The following RAD54L2 variants were observed in gnomAD, a reference collection of about 807,000 sequenced individuals.
RAD54L2 encodes the protein RAD54 like 2.
A neutral mutation model predicts 138.4 loss-of-function variants in RAD54L2; 27 were observed. The ratio of observed to expected loss-of-function variants is 0.20; its 90% CI spans 0.14 to 0.27. The LOEUF (loss-of-function observed/expected upper bound fraction) is 0.27, where lower values mean the gene tolerates loss of function less well. Among genes scored for constraint, RAD54L2 ranks in the 10% least tolerant of loss-of-function variants. The pLI, the probability that RAD54L2 is intolerant of heterozygous loss-of-function variation, is 1.00. For missense variants in RAD54L2, 1,396 were observed against 1,890.2 expected, an observed-to-expected ratio of 0.74 and a Z score of 4.85; for synonymous variants, 644 against 723.2, an observed-to-expected ratio of 0.89 and a Z score of 1.76.
chr3:51,642,974 A>G (rs4616633), intron 15 of RAD54L2, among the ~76,000 whole-genome samples: 148,688 of 151,738 alleles, frequency 0.98, 72,864 homozygotes, highest in East Asian at 1. Context: ...CCTTAGCTTT[A>G]CCATTTACTC....
intron 9 of RAD54L2, among the ~76,000 whole-genome samples, chr3:51,635,143 C>T (rs569979082): frequency 6.6e-6 from 1 of 152,182 alleles, no homozygotes; most frequent in African/African-American, 2.4e-5. Flanking sequence ...CTGGTCTCTT[C>T]TCCTCTTTCC....
chr3:51,656,289 G>T, intron 20 of RAD54L2, 119 bp downstream of exon 20: 1 of 950,404 alleles, frequency 1.1e-6, no homozygotes, highest in Admixed American at 3.1e-5. Flanking sequence ...TGGCACTCTT[G>T]GTAAAAAATA....
intron 3 of RAD54L2, among the ~76,000 whole-genome samples, chr3:51,615,366 A>G (rs935792068): frequency 8.5e-5 from 13 of 152,222 alleles, no homozygotes; most frequent in Admixed American, 2.0e-4. Flanking sequence ...TTTGTATAAC[A>G]TGAAGAGTTA....
intron 21 of RAD54L2, among the ~76,000 whole-genome samples, chr3:51,659,109 T>TG (rs1701688094): frequency 1.4e-5 from 2 of 141,850 alleles, no homozygotes; most frequent in Non-Finnish European, 3.1e-5. Flanking sequence ...TTTTTTTTTT[T>TG]TTTTTTTTTT....
At chr3:51,578,692 G>T (rs529085039) in intron 2 of RAD54L2, among the ~76,000 whole-genome samples, 3 of 152,298 alleles carry the variant, frequency 2.0e-5, no homozygotes, top group East Asian at 1.9e-4. Context: ...GCTTTTGGGC[G>T]CTGGGAAGAG....
intron 2 of RAD54L2, among the ~76,000 whole-genome samples, chr3:51,553,992 G>A (rs1482298135): frequency 2.6e-5 from 4 of 152,158 alleles, no homozygotes; most frequent in Non-Finnish European, 1.5e-5. Flanking sequence ...CCTTTTGCTG[G>A]TTGTGGGTCT....
chr3:51,595,287 A>G (rs987820429), intron 3 of RAD54L2, among the ~76,000 whole-genome samples: 5 of 152,158 alleles, frequency 3.3e-5, no homozygotes, highest in South Asian at 2.1e-4. Context: ...GTAGAACTCT[A>G]TGGGAAAGGG....
rs1701908660 is a variant in RAD54L2, at chr3:51,666,199, TTTTTTTTTTTA to T, written c.*2780_*2790del. 1.8e-5 allele frequency: 2 copies of T among 111,352 alleles called. No homozygotes were observed. The highest frequency in any genetic ancestry group is 4.1e-5 in the Non-Finnish European group (2 of 48,296). 6.9% of individuals were successfully genotyped at this position (111,352 alleles called of 1,614,324 possible). On this transcript the variant is annotated 3_prime_UTR_variant, in exon 23 of 23. Transcript: ENST00000684192. ...CTTTTTTTTTTTTTTTTTTTTTTTT[TTTTTTTTTTTA>T]AAGAAAATAACCTGAAAACACTTCT...
At chr3:51,615,417 G>A (rs1292021729) in intron 3 of RAD54L2, among the ~76,000 whole-genome samples, 1 of 152,074 alleles carries the variant, frequency 6.6e-6, no homozygotes, top group East Asian at 1.9e-4. Flanking sequence ...GTGTGGTTGT[G>A]GATGATAAAT....
chr3:51,652,310 A>G lies in RAD54L2; in HGVS notation c.3027-3661A>G, dbSNP rs937861441. 4.6e-5 allele frequency among the ~76,000 whole-genome samples: 7 copies of G among 152,260 alleles called. No individual in the cohort carries two copies. In the East Asian group the frequency reaches 1.3e-3, roughly 29 times the overall value. The stretch of plus-strand genomic sequence containing the variant: ...ACACAAACAAATAGAAGAACATTCC[A>G]TGCTCAGAGATAGGAAGAATCAACA... On this transcript the variant is annotated intron_variant, in intron 19 of 22. Coordinates refer to ENST00000684192, the MANE Select transcript of RAD54L2 (RefSeq NM_015106.4).
chr3:51,658,221 C>T (rs1455486099), intron 21 of RAD54L2, among the ~76,000 whole-genome samples: 3 of 152,164 alleles, frequency 2.0e-5, no homozygotes, highest in Middle Eastern at 3.4e-3. Flanking sequence ...CGTGAGCCAC[C>T]GTACCCGGCC....
intron 14 of RAD54L2, among the ~76,000 whole-genome samples, chr3:51,640,292 C>T (rs1168726884): frequency 2.0e-5 from 3 of 152,152 alleles, no homozygotes; most frequent in African/African-American, 7.2e-5. Context: ...AAAAAACATA[C>T]AAAGAATATG....
chr3:51,573,100 A>C (rs180950636), intron 2 of RAD54L2, among the ~76,000 whole-genome samples: 119 of 152,320 alleles, frequency 7.8e-4, no homozygotes, highest in African/African-American at 2.8e-3. Flanking sequence ...CTAGATGGAT[A>C]CATAAGTCGC....
intron 3 of RAD54L2, among the ~76,000 whole-genome samples, chr3:51,612,858 A>C (rs564289329): frequency 6.6e-6 from 1 of 152,166 alleles, no homozygotes; most frequent in African/African-American, 2.4e-5. Context: ...TTTAATTTGG[A>C]TTTTAAAAGT....
chr3:51,602,901 G>A (rs1252888495), intron 3 of RAD54L2, among the ~76,000 whole-genome samples: 1 of 152,072 alleles, frequency 6.6e-6, no homozygotes, highest in Non-Finnish European at 1.5e-5. Flanking sequence ...TAGAGACAGA[G>A]CTCACTGTAG....
chr3:51,605,498 G>A (rs1254580359), intron 3 of RAD54L2, among the ~76,000 whole-genome samples: 1 of 145,408 alleles, frequency 6.9e-6, no homozygotes, highest in Non-Finnish European at 1.5e-5. Context: ...TGTTGCCCAG[G>A]CTGGTATGCA....
intron 2 of RAD54L2, among the ~76,000 whole-genome samples, chr3:51,558,512 C>T (rs1699026337): frequency 6.6e-6 from 1 of 151,868 alleles, no homozygotes; most frequent in African/African-American, 2.4e-5. Context: ...CTGTGTTGCT[C>T]AGGCTAGAGT....
chr3:51,629,679 T>C (rs550751484), intron 5 of RAD54L2, among the ~76,000 whole-genome samples: 1 of 151,644 alleles, frequency 6.6e-6, no homozygotes, highest in African/African-American at 2.4e-5. Context: ...GCCAACATGG[T>C]GAAACCCCGT....
intron 2 of RAD54L2, among the ~76,000 whole-genome samples, chr3:51,587,529 GT>G (rs1699735695): frequency 6.6e-6 from 1 of 152,084 alleles, no homozygotes; most frequent in Non-Finnish European, 1.5e-5. Context: ...CTTTGCAGAT[GT>G]TTTTGGAAGT....
Sources: allele counts gnomAD v4.1 joint callset (sites outside exome capture counted in the v4.1 genomes callset), GRCh38; gene constraint gnomAD v4.1.1; transcripts MANE v1.5; gene names NCBI Gene and HGNC (gene_info 2026-07-23, HGNC 2026-07-21).